Variants in GALNT13 observed in about 807,000 individuals in gnomAD.
GALNT13 encodes UDP-GalNAc:polypeptide N-acetylgalactosaminyltransferase 13.
GALNT13 carries 28 observed loss-of-function variants against 64.2 expected under a neutral mutation model. That is an observed-to-expected ratio of 0.44 (90% CI 0.32 to 0.60). GALNT13 has a LOEUF of 0.60. Among genes scored for constraint, GALNT13 ranks in the 20% least tolerant of loss-of-function variants. The pLI is 0.05. For synonymous variants in GALNT13, 214 were observed against 224.6 expected (o/e 0.95, Z 0.42); for missense variants, 577 against 669.8 (o/e 0.86, Z 1.53).
chr2:153,155,808 ACAT>A, the GALNT13 span, among the ~76,000 whole-genome samples: 1 of 151,648 alleles, frequency 6.6e-6, no homozygotes, highest in Non-Finnish European at 1.5e-5. Context: ...TAGTGGTGAA[ACAT>A]CATAATTAAA....
the GALNT13 span, among the ~76,000 whole-genome samples, chr2:153,733,827 A>G: frequency 6.6e-6 from 1 of 152,336 alleles, no homozygotes; most frequent in Non-Finnish European, 1.5e-5. Context: ...GAATAAAGCA[A>G]CAGTATGAAC....
chr2:153,934,834 G>T (rs997282033), intron 2 of GALNT13, among the ~76,000 whole-genome samples: 1 of 152,084 alleles, frequency 6.6e-6, no homozygotes, highest in Non-Finnish European at 1.5e-5. Flanking sequence ...ATGAAAAGTG[G>T]CCTGGCTGTT....
At chr2:153,867,846 G>C (rs911411225), upstream of GALNT13, among the ~76,000 whole-genome samples, 1 of 152,080 alleles carries the variant, frequency 6.6e-6, no homozygotes, top group African/African-American at 2.4e-5. Flanking sequence ...TGCTGCTGCT[G>C]ATCTTACAGG....
chr2:153,686,359 C>A, the GALNT13 span, among the ~76,000 whole-genome samples: 3 of 152,028 alleles, frequency 2.0e-5, no homozygotes, highest in Non-Finnish European at 4.4e-5. Context: ...AGAGAACTTT[C>A]ACCTCCCTAG....
intron 8 of GALNT13, among the ~76,000 whole-genome samples, chr2:154,292,610 G>A (rs953275697): frequency 6.6e-6 from 1 of 152,162 alleles, no homozygotes; most frequent in Non-Finnish European, 1.5e-5. Context: ...CTAGTAAGTT[G>A]CAGAGCTAGG....
At chr2:153,540,842 C>G in the GALNT13 span, among the ~76,000 whole-genome samples, 1 of 152,198 alleles carries the variant, frequency 6.6e-6, no homozygotes, top group Non-Finnish European at 1.5e-5. Context: ...ATCTGTACCC[C>G]CATTGTATCT....
the GALNT13 span, among the ~76,000 whole-genome samples, chr2:153,670,031 T>A: frequency 6.6e-6 from 1 of 152,070 alleles, no homozygotes; most frequent in Non-Finnish European, 1.5e-5. Flanking sequence ...GTAAACAAAG[T>A]GGCAGGAATA....
the GALNT13 span, among the ~76,000 whole-genome samples, chr2:153,532,810 G>A: frequency 6.6e-6 from 1 of 152,280 alleles, no homozygotes; most frequent in African/African-American, 2.4e-5. Context: ...CCTAGAGTGG[G>A]GGCACAGGGC....
chr2:154,388,277 G>C (rs1698609547), intron 9 of GALNT13, among the ~76,000 whole-genome samples: 1 of 152,064 alleles, frequency 6.6e-6, no homozygotes, highest in Non-Finnish European at 1.5e-5. Context: ...TCTTGTTTTT[G>C]AGTTGAGTTC....
chr2:153,888,195 G>A (rs1687315504), intron 1 of GALNT13, among the ~76,000 whole-genome samples: 1 of 151,896 alleles, frequency 6.6e-6, no homozygotes, highest in African/African-American at 2.4e-5. Context: ...CTGCTGGTGG[G>A]AATTTAATGA....
At chr2:154,275,474 G>T (rs1455270822) in intron 8 of GALNT13, among the ~76,000 whole-genome samples, 1 of 152,236 alleles carries the variant, frequency 6.6e-6, no homozygotes, top group East Asian at 1.9e-4. Context: ...GTTTTAGGGG[G>T]TGCAAGCCCC....
intron 4 of GALNT13, among the ~76,000 whole-genome samples, chr2:154,234,329 C>T (rs1689079636): frequency 6.6e-6 from 1 of 151,990 alleles, no homozygotes; most frequent in Non-Finnish European, 1.5e-5. Flanking sequence ...CATATCATTC[C>T]ATTATAATTT....
At chr2:153,221,597 G>A in the GALNT13 span, among the ~76,000 whole-genome samples, 2 of 152,164 alleles carry the variant, frequency 1.3e-5, no homozygotes, top group Non-Finnish European at 2.9e-5. Context: ...GGCCTGCTTG[G>A]CTCATTCTGC....
At chr2:153,703,561 C>T in the GALNT13 span, among the ~76,000 whole-genome samples, 1 of 151,956 alleles carries the variant, frequency 6.6e-6, no homozygotes, top group African/African-American at 2.4e-5. Context: ...TTAGTACTTC[C>T]AAAGAGTTGC....
chr2:153,559,437 T>C, the GALNT13 span, among the ~76,000 whole-genome samples: 1 of 152,178 alleles, frequency 6.6e-6, no homozygotes, highest in African/African-American at 2.4e-5. Flanking sequence ...TATTTCCTTA[T>C]AGTATCATTT....
intron 9 of GALNT13, among the ~76,000 whole-genome samples, chr2:154,343,701 T>C (rs1020746695): frequency 6.6e-6 from 1 of 152,092 alleles, no homozygotes; most frequent in African/African-American, 2.4e-5. Flanking sequence ...AAATCATGGC[T>C]GTAACATTGA....
the GALNT13 span, among the ~76,000 whole-genome samples, chr2:153,794,283 G>A: frequency 6.6e-6 from 1 of 152,088 alleles, no homozygotes; most frequent in East Asian, 1.9e-4. Context: ...ATATTTTAGT[G>A]TTCTACTTTT....
chr2:154,126,182 TTGG>T (rs576844157), intron 3 of GALNT13, among the ~76,000 whole-genome samples: 102 of 152,288 alleles, frequency 6.7e-4, no homozygotes, highest in African/African-American at 2.3e-3. Flanking sequence ...AATTTTACTT[TTGG>T]AATTATCATA....
the GALNT13 span, among the ~76,000 whole-genome samples, chr2:153,857,897 A>G: frequency 1.3e-5 from 2 of 152,186 alleles, no homozygotes; most frequent in Non-Finnish European, 2.9e-5. Flanking sequence ...CAACTTTCAG[A>G]GTAAGACTTA....
Sources: gnomAD v4.1 joint callset for allele counts (sites outside exome capture counted in the v4.1 genomes callset) on GRCh38, gnomAD v4.1.1 for gene constraint, MANE v1.5 for transcripts, NCBI Gene and HGNC (gene_info 2026-07-23, HGNC 2026-07-21) for gene names.